The following PTPRN2 variants were observed in gnomAD, a reference collection of about 807,000 sequenced individuals.
PTPRN2 encodes protein tyrosine phosphatase receptor type N2.
A neutral mutation model predicts 118.8 loss-of-function variants in PTPRN2; 74 were observed. The observed-to-expected ratio is 0.62, with a 90% CI of 0.52 to 0.76. The LOEUF (loss-of-function observed/expected upper bound fraction) is 0.76, where lower values mean the gene tolerates loss of function less well. PTPRN2 is among the 30% of genes least tolerant of loss of function. The probability of loss-of-function intolerance (pLI) is 0.00; values close to 1 mark genes in which losing one functional copy is unlikely to be tolerated. For missense variants in PTPRN2, 1,481 were observed against 1,394.4 expected, an observed-to-expected ratio of 1.06 and a Z score of -0.99; for synonymous variants, 641 against 608.0, an observed-to-expected ratio of 1.05 and a Z score of -0.80.
At position 157,977,429 on chromosome 7, in the gene PTPRN2, G is replaced by A. The variant is rs1802833741; in HGVS notation, c.1724-78692C>T. Among the ~76,000 whole-genome samples the A allele has an allele frequency of 6.6e-6, 1 of 151,876 alleles. No individual in the cohort carries two copies. The highest frequency in any genetic ancestry group is 2.4e-5 in the African/African-American group (1 of 41,414). On this transcript the variant is annotated intron_variant, in intron 11 of 22. Transcript: ENST00000389418. This position sits in a 1 kb window ranked among gnomAD's most constrained non-coding sequence, Gnocchi z 4.6. ...GGGAGCCAGGAAAGGTCTCCTGAGG[G>A]GATACTCAAGCTGATGCCTGAATGC...
intron 11 of PTPRN2, among the ~76,000 whole-genome samples, chr7:157,902,653 G>A (rs1797540463): frequency 6.6e-6 from 1 of 152,188 alleles, no homozygotes; most frequent in African/African-American, 2.4e-5. Context: ...GAGGGGTTCC[G>A]AGTGTGACGC....
At chr7:157,694,030 G>A (rs761499163) in intron 12 of PTPRN2, among the ~76,000 whole-genome samples, 1 of 152,280 alleles carries the variant, frequency 6.6e-6, no homozygotes, top group Non-Finnish European at 1.5e-5. Flanking sequence ...GCAAGGCGGA[G>A]CCTAGTACAG....
In PTPRN2 at chr7:158,351,476, A is replaced by C. The variant is rs6974561; in HGVS notation, c.164-34544T>G. Among the ~76,000 whole-genome samples the C allele has an allele frequency of 7.3e-3, 1,116 of 152,300 alleles. 13 individuals are homozygous for C. Among genetic ancestry groups the C allele is most frequent in the African/African-American group, 0.026 (1,064 of 41,550 alleles). On this transcript the variant is annotated intron_variant, in intron 2 of 22. Transcript: ENST00000389418. Reference sequence around the variant, plus strand: ...CTTCGTTGCTCACACAGCAGCCGACACAGTCACTCAAAACTCCCATTTGTG... The same window carrying C: ...CTTCGTTGCTCACACAGCAGCCGACCCAGTCACTCAAAACTCCCATTTGTG...
chr7:158,369,709 T>C (rs1325922172), intron 2 of PTPRN2, among the ~76,000 whole-genome samples: 2 of 152,182 alleles, frequency 1.3e-5, no homozygotes, highest in Non-Finnish European at 2.9e-5. Context: ...AAAAACCATG[T>C]GAGAGCCACA....
At position 158,533,505 on chromosome 7, in the gene PTPRN2, T is replaced by C. The variant is rs571984762; in HGVS notation, c.113-43720A>G. ...AGCCATCAGGAGCCAGACAGACCTA[T>C]GTCCACTCCCGGAGGCACCGCCAGG... On this transcript the variant is annotated intron_variant, in intron 1 of 22. Coordinates refer to ENST00000389418, the MANE Select transcript of PTPRN2 (RefSeq NM_002847.5). 4.3e-4 allele frequency among the ~76,000 whole-genome samples: 65 copies of C among 152,302 alleles called. 1 individual carries two copies. Among genetic ancestry groups the C allele is most frequent in the African/African-American group, 1.3e-3 (54 of 41,574 alleles).
intron 11 of PTPRN2, among the ~76,000 whole-genome samples, chr7:158,008,312 TG>T (rs1427362374): frequency 6.6e-6 from 1 of 152,234 alleles, no homozygotes; most frequent in East Asian, 1.9e-4. Flanking sequence ...ATGGAATAAT[TG>T]CCCATTCTTA....
In PTPRN2 at chr7:158,288,215, T is replaced by C. The variant is rs185115801; in HGVS notation, c.277+28604A>G. Among the ~76,000 whole-genome samples, 15 of 152,276 alleles carry C rather than the reference T, an allele frequency of 9.9e-5. No homozygotes were observed. In the East Asian group the frequency reaches 2.5e-3, roughly 25 times the overall value. On this transcript the variant is annotated intron_variant, in intron 3 of 22. Coordinates refer to ENST00000389418, the MANE Select transcript of PTPRN2 (RefSeq NM_002847.5). The stretch of plus-strand genomic sequence containing the variant: ...AAGGGAATCTCTTGTAGGTAGCATA[T>C]AGTTGGGTCCTATTTTTCAGCCATT...
intron 12 of PTPRN2, among the ~76,000 whole-genome samples, chr7:157,684,000 T>C (rs1218469223): frequency 6.6e-6 from 1 of 152,026 alleles, no homozygotes; most frequent in Non-Finnish European, 1.5e-5. Flanking sequence ...GCCTATTCAT[T>C]ATCTCTCTTC....
At chr7:157,589,382 G>T (rs527923688) in intron 17 of PTPRN2, among the ~76,000 whole-genome samples, 1 of 152,218 alleles carries the variant, frequency 6.6e-6, no homozygotes, top group African/African-American at 2.4e-5. Flanking sequence ...CAATGGGTGC[G>T]TGTCTTTCAC....
At chr7:158,037,737 A>C (rs1182866262) in intron 11 of PTPRN2, among the ~76,000 whole-genome samples, 3 of 152,210 alleles carry the variant, frequency 2.0e-5, no homozygotes, top group Non-Finnish European at 4.4e-5. Context: ...CAAAAAACCC[A>C]ATCAGTCTTT....
At chr7:157,948,510 C>CA (rs976194037) in intron 11 of PTPRN2, among the ~76,000 whole-genome samples, 4 of 151,566 alleles carry the variant, frequency 2.6e-5, no homozygotes, top group South Asian at 2.1e-4. Flanking sequence ...ATCAAAGAAA[C>CA]AAAAAAAGGC....
chr7:157,993,749 A>C (rs1460111799), intron 11 of PTPRN2, among the ~76,000 whole-genome samples: 1 of 152,168 alleles, frequency 6.6e-6, no homozygotes, highest in Non-Finnish European at 1.5e-5. Flanking sequence ...CCTAGGTCGG[A>C]AGTTCAAATC....
At chr7:157,884,536 T>C (rs1164082491) in intron 12 of PTPRN2, among the ~76,000 whole-genome samples, 1 of 152,200 alleles carries the variant, frequency 6.6e-6, no homozygotes, top group East Asian at 1.9e-4. Context: ...TCTGTTCTCA[T>C]GCTGCTGATA....
At chr7:157,558,637 T>A (rs1368707162) in intron 21 of PTPRN2, among the ~76,000 whole-genome samples, 1 of 152,230 alleles carries the variant, frequency 6.6e-6, no homozygotes, top group Non-Finnish European at 1.5e-5. Flanking sequence ...GCTCATGCAC[T>A]GGTCCAGCGG....
rs745654700 is a variant in PTPRN2, at chr7:157,787,929, T to G, written c.1789-104992A>C. 2.6e-5 allele frequency among the ~76,000 whole-genome samples: 4 copies of G among 151,912 alleles called. No homozygotes were observed. Among genetic ancestry groups the G allele is most frequent in the Non-Finnish European group, 5.9e-5 (4 of 67,962 alleles). The stretch of plus-strand genomic sequence containing the variant: ...GACGTCCCCAAGACACTGACAGGCC[T>G]GGAGGTCTGGACAATGGGGAGCCAG... On this transcript the variant is annotated intron_variant, in intron 12 of 22. Transcript: ENST00000389418. This position sits in a 1 kb window ranked among gnomAD's most constrained non-coding sequence, Gnocchi z 5.3.
intron 12 of PTPRN2, among the ~76,000 whole-genome samples, chr7:157,855,629 A>C (rs1809655267): frequency 1.3e-5 from 2 of 152,212 alleles, no homozygotes; most frequent in African/African-American, 4.8e-5. Flanking sequence ...TGTCAGGAAT[A>C]GCCCTCACTG....
intron 12 of PTPRN2, among the ~76,000 whole-genome samples, chr7:157,759,787 C>A (rs1252718172): frequency 2.6e-5 from 4 of 152,214 alleles, no homozygotes; most frequent in Non-Finnish European, 4.4e-5. Context: ...AATGGAAGTT[C>A]TTTGTGTTAT....
At chr7:158,442,045 AGTG>A (rs1490903589) in intron 2 of PTPRN2, among the ~76,000 whole-genome samples, 2 of 109,802 alleles carry the variant, frequency 1.8e-5, no homozygotes, top group Non-Finnish European at 3.9e-5. Context: ...TGGTGGTGAC[AGTG>A]GTGGTGATGG....
intron 14 of PTPRN2, among the ~76,000 whole-genome samples, chr7:157,628,168 G>A (rs986705137): frequency 2.0e-5 from 3 of 152,154 alleles, no homozygotes; most frequent in African/African-American, 7.2e-5. Flanking sequence ...CACATTTAAT[G>A]GAATCATTAT....
Sources: gnomAD v4.1 joint callset for allele counts (sites outside exome capture counted in the v4.1 genomes callset) on GRCh38, gnomAD v4.1.1 for gene constraint, Gnocchi (gnomAD v3.1) non-coding constraint, MANE v1.5 for transcripts, NCBI Gene and HGNC (gene_info 2026-07-23, HGNC 2026-07-21) for gene names.